Variants in LDB2 observed in about 807,000 individuals in gnomAD.
LDB2 encodes LIM domain binding 2.
In LDB2, 12 loss-of-function variants were observed where a neutral mutation model predicts 44.3. The observed-to-expected ratio is 0.27, with a 90% CI of 0.17 to 0.44. The LOEUF (loss-of-function observed/expected upper bound fraction) is 0.44, where lower values mean the gene tolerates loss of function less well. Among genes scored for constraint, LDB2 ranks in the 20% least tolerant of loss-of-function variants. The pLI is 1.00. For missense variants in LDB2, 344 were observed against 473.5 expected (o/e 0.73, Z 2.54); for synonymous variants, 164 against 174.8 (o/e 0.94, Z 0.49).
chr4:16,551,788 A>C (rs150924191), intron 5 of LDB2, among the ~76,000 whole-genome samples: 1,680 of 152,268 alleles, frequency 0.011, 36 homozygotes, highest in African/African-American at 0.038. Flanking sequence ...AAGTGCTGGG[A>C]TTACAGGTGT....
Position 16,585,909 on chromosome 4 carries a change from C to G in LDB2, c.615+13G>C. 6.2e-7 allele frequency: 1 copy of G among 1,603,148 alleles called. No individual in the cohort carries two copies. The highest frequency in any genetic ancestry group is 1.1e-5 in the South Asian group (1 of 90,810). ...AAACTCACCAAAAAATAAAATCATT[C>G]GATTGATCTTACCCTGAGGTAGTTG... On this transcript the variant is annotated intron_variant, in intron 5 of 7. Coordinates refer to ENST00000304523, the MANE Select transcript of LDB2 (RefSeq NM_001290.5).
At position 16,812,582 on chromosome 4, in the gene LDB2, T is replaced by TTATATATA. The variant is rs6148319; in HGVS notation, c.133-53330_133-53323dup. Among the ~76,000 whole-genome samples, 729 of 115,474 alleles carry TTATATATA rather than the reference T, an allele frequency of 6.3e-3. 16 individuals carry two copies. The highest frequency in any genetic ancestry group is 0.023 in the African/African-American group (602 of 25,784). The allele number at this position is 115,474 out of a possible 152,430, so 75.8% of individuals were successfully genotyped here. A position where few individuals can be genotyped will look rare whatever the true frequency, so the allele number is the denominator to read the frequency against. ...ATACTTGAGGCTGGAATCAATGAAA[T>TTATATATA]TATATATATATATATATATATATAT... On this transcript the variant is annotated intron_variant, in intron 1 of 7. Coordinates refer to ENST00000304523, the MANE Select transcript of LDB2 (RefSeq NM_001290.5).
intron 2 of LDB2, among the ~76,000 whole-genome samples, chr4:16,658,287 A>G (rs1322977624): frequency 6.6e-6 from 1 of 152,220 alleles, no homozygotes; most frequent in Non-Finnish European, 1.5e-5. Context: ...CATCGCTTAC[A>G]ATAAGCCCTT....
chr4:16,712,979 A>G (rs1458354598), intron 2 of LDB2, among the ~76,000 whole-genome samples: 2 of 152,258 alleles, frequency 1.3e-5, no homozygotes, highest in African/African-American at 4.8e-5. Flanking sequence ...GAACAAATAA[A>G]TAAATTGTGG....
At chr4:16,879,652 T>C (rs560386089) in intron 1 of LDB2, among the ~76,000 whole-genome samples, 10 of 152,226 alleles carry the variant, frequency 6.6e-5, no homozygotes, top group Non-Finnish European at 1.2e-4. Flanking sequence ...CTTTAAACTA[T>C]ACCACCAGCT....
At chr4:16,570,234 T>C (rs890569017) in intron 5 of LDB2, among the ~76,000 whole-genome samples, 2 of 151,546 alleles carry the variant, frequency 1.3e-5, no homozygotes, top group East Asian at 1.9e-4. Context: ...GAGGCTGAGG[T>C]GGGCGGATCA....
intron 2 of LDB2, among the ~76,000 whole-genome samples, chr4:16,697,266 TACAC>T (rs57040700): frequency 0.017 from 2,195 of 130,702 alleles, 27 homozygotes; most frequent in African/African-American, 0.028. Context: ...CTACTAAAAA[TACAC>T]ACACACACAC....
chr4:16,686,213 A>G (rs1374371261), intron 2 of LDB2, among the ~76,000 whole-genome samples: 1 of 152,230 alleles, frequency 6.6e-6, no homozygotes, highest in African/African-American at 2.4e-5. Flanking sequence ...GCAATAGCCC[A>G]AATTCTCCCT....
chr4:16,805,341 T>C (rs1385983909), intron 1 of LDB2, among the ~76,000 whole-genome samples: 1 of 152,238 alleles, frequency 6.6e-6, no homozygotes. Flanking sequence ...CATTTCTATA[T>C]CAGCAAGTGT....
At chr4:16,511,233 A>C (rs1267599778) in intron 6 of LDB2, among the ~76,000 whole-genome samples, 1 of 152,206 alleles carries the variant, frequency 6.6e-6, no homozygotes, top group Non-Finnish European at 1.5e-5. Flanking sequence ...AATTTTTAGC[A>C]AATGGCTACA....
At chr4:16,797,894 G>C (rs1579761043) in intron 1 of LDB2, among the ~76,000 whole-genome samples, 1 of 151,934 alleles carries the variant, frequency 6.6e-6, no homozygotes, top group Middle Eastern at 3.4e-3. Flanking sequence ...AATTAGCCAG[G>C]CATGGTGACA....
chr4:16,622,339 G>A (rs1203202120), intron 2 of LDB2, among the ~76,000 whole-genome samples: 1 of 152,172 alleles, frequency 6.6e-6, no homozygotes, highest in African/African-American at 2.4e-5. Flanking sequence ...AATAATTATT[G>A]GTTGAATGAC....
chr4:16,746,781 G>A (rs968988583), intron 2 of LDB2, among the ~76,000 whole-genome samples: 8 of 151,992 alleles, frequency 5.3e-5, no homozygotes, highest in African/African-American at 9.7e-5. Flanking sequence ...AGTGAGGCTC[G>A]GTCTCAATAA....
chr4:16,676,854 G>T (rs1746458602), intron 2 of LDB2, among the ~76,000 whole-genome samples: 1 of 152,214 alleles, frequency 6.6e-6, no homozygotes, highest in South Asian at 2.1e-4. Flanking sequence ...GTGAGTTTAG[G>T]CATTGAAGAT....
intron 1 of LDB2, among the ~76,000 whole-genome samples, chr4:16,834,163 C>T (rs985886341): frequency 6.6e-6 from 1 of 152,288 alleles, no homozygotes; most frequent in African/African-American, 2.4e-5. Context: ...CAAGGGAGGG[C>T]TTATTGTCTG....
chr4:16,791,602 T>A (rs1479038855), intron 1 of LDB2, among the ~76,000 whole-genome samples: 1 of 135,992 alleles, frequency 7.4e-6, no homozygotes, highest in Admixed American at 7.6e-5. Flanking sequence ...TAGAAGCAGC[T>A]GCTTTTGATT....
At chr4:16,675,378 A>G (rs1746017289) in intron 2 of LDB2, among the ~76,000 whole-genome samples, 1 of 152,230 alleles carries the variant, frequency 6.6e-6, no homozygotes, top group South Asian at 2.1e-4. Flanking sequence ...AAATCAAAAT[A>G]CAAAACAGTA....
chr4:16,544,546 C>T (rs1735024278), intron 5 of LDB2, among the ~76,000 whole-genome samples: 1 of 152,142 alleles, frequency 6.6e-6, no homozygotes, highest in African/African-American at 2.4e-5. Context: ...GTGGAAACAG[C>T]TGGAGGAGCC....
At chr4:16,793,420 G>A (rs1579719410) in intron 1 of LDB2, among the ~76,000 whole-genome samples, 1 of 152,212 alleles carries the variant, frequency 6.6e-6, no homozygotes, top group South Asian at 2.1e-4. Flanking sequence ...TTAAAGGTTT[G>A]GAGGGTTCCA....
Sources: allele counts gnomAD v4.1 joint callset (sites outside exome capture counted in the v4.1 genomes callset), GRCh38; gene constraint gnomAD v4.1.1; transcripts MANE v1.5; gene names NCBI Gene and HGNC (gene_info 2026-07-23, HGNC 2026-07-21).